Variants in FLRT1 observed in about 807,000 individuals in gnomAD.
FLRT1 encodes leucine-rich repeat transmembrane protein FLRT1.
Under a neutral mutation model 30.9 loss-of-function variants are expected in FLRT1, and 14 were observed. The observed-to-expected ratio is 0.45, with a 90% CI of 0.30 to 0.71. The LOEUF is 0.71. Among genes scored for constraint, FLRT1 ranks in the 30% least tolerant of loss-of-function variants. The pLI, the probability that FLRT1 is intolerant of heterozygous loss-of-function variation, is 0.08. For missense variants in FLRT1, 737 were observed against 949.2 expected (o/e 0.78, Z 2.94); for synonymous variants, 368 against 430.4 (o/e 0.85, Z 1.80).
intron 1 of FLRT1, among the ~76,000 whole-genome samples, chr11:64,037,571 G>C (rs1275985333): frequency 1.3e-5 from 2 of 152,176 alleles, no homozygotes; most frequent in Non-Finnish European, 2.9e-5. Context: ...CAGTGAGGGG[G>C]CCCTGGTAGG....
intron 1 of FLRT1, among the ~76,000 whole-genome samples, chr11:64,102,914 A>G (rs1460673923): frequency 6.6e-6 from 1 of 152,086 alleles, no homozygotes; most frequent in Non-Finnish European, 1.5e-5. Flanking sequence ...TAAAATTAAA[A>G]AAAAAAATTA....
In FLRT1 at chr11:64,082,405, G is replaced by C. The variant is rs886559039; in HGVS notation, c.-1037-20789G>C. 6.6e-6 allele frequency among the ~76,000 whole-genome samples: 1 copy of C among 151,992 alleles called. No individual in the cohort carries two copies. Among genetic ancestry groups the C allele is most frequent in the African/African-American group, 2.4e-5 (1 of 41,380 alleles). On this transcript the variant is annotated intron_variant, in intron 1 of 2. Transcript: ENST00000682287. This position sits in a 1 kb window ranked among gnomAD's most constrained non-coding sequence, Gnocchi z 4.5. The stretch of plus-strand genomic sequence containing the variant: ...ATTGATGGCTGGGAGGGAGCCTGAA[G>C]TGGGGGCGTCCTAAGGTGAGGGGCA...
intron 1 of FLRT1, among the ~76,000 whole-genome samples, chr11:64,045,519 C>A (rs992602638): frequency 6.6e-6 from 1 of 152,164 alleles, no homozygotes; most frequent in Non-Finnish European, 1.5e-5. Flanking sequence ...GCTCTACCAC[C>A]CCTATCCCAG....
intron 1 of FLRT1, among the ~76,000 whole-genome samples, chr11:64,078,637 G>A (rs1944247612): frequency 6.6e-6 from 1 of 152,178 alleles, no homozygotes; most frequent in Admixed American, 6.5e-5. Context: ...GGTGATCATG[G>A]CTCCTGCATC....
chr11:64,084,055 C>A (rs891233863), intron 1 of FLRT1, among the ~76,000 whole-genome samples: 1 of 152,276 alleles, frequency 6.6e-6, no homozygotes, highest in South Asian at 2.1e-4. Context: ...GAGGCAGAGA[C>A]TGAGGTTTCC....
At chr11:64,111,002 C>T (rs916711855) in intron 2 of FLRT1, among the ~76,000 whole-genome samples, 3 of 152,210 alleles carry the variant, frequency 2.0e-5, no homozygotes, top group African/African-American at 7.2e-5. Context: ...ATGAGGCCCA[C>T]AGACAGTGGA....
chr11:64,079,323 G>A (rs973556407), intron 1 of FLRT1, among the ~76,000 whole-genome samples: 2 of 151,986 alleles, frequency 1.3e-5, no homozygotes, highest in Admixed American at 1.3e-4. Context: ...AGACAGACAG[G>A]GGTCTGCCCT....
chr11:64,059,056 C>T (rs1210861305), intron 1 of FLRT1, among the ~76,000 whole-genome samples: 1 of 152,178 alleles, frequency 6.6e-6, no homozygotes, highest in Non-Finnish European at 1.5e-5. Context: ...TGAGGATGGG[C>T]ACCCAATTTG....
chr11:64,106,260 G>C (rs1944762046), intron 2 of FLRT1, among the ~76,000 whole-genome samples: 1 of 152,068 alleles, frequency 6.6e-6, no homozygotes, highest in Non-Finnish European at 1.5e-5. Flanking sequence ...TTGCCTCTTT[G>C]GGCTGCTGTG....
intron 1 of FLRT1, among the ~76,000 whole-genome samples, chr11:64,069,957 T>A (rs1944076695): frequency 6.6e-6 from 1 of 151,776 alleles, no homozygotes; most frequent in Non-Finnish European, 1.5e-5. Context: ...CCCAGTGGGA[T>A]CAATGTCCCT....
rs531655095 is a variant in FLRT1 at position 64,094,781 on chromosome 11, C to T, written c.-1037-8413C>T. ...ATTTAGAAAGTCACCCCTGACCCCA[C>T]GACCACGGCATCCTTGGCTGTGCCT... On this transcript the variant is annotated intron_variant, in intron 1 of 2. Coordinates refer to ENST00000682287, the MANE Select transcript of FLRT1 (RefSeq NM_013280.5). Among the ~76,000 whole-genome samples, 9 of 152,356 alleles carry T rather than the reference C, an allele frequency of 5.9e-5. No homozygotes were observed. In the South Asian group the frequency reaches 1.9e-3, roughly 32 times the overall value.
chr11:64,095,005 T>A (rs750626270), intron 1 of FLRT1, among the ~76,000 whole-genome samples: 1 of 152,192 alleles, frequency 6.6e-6, no homozygotes, highest in South Asian at 2.1e-4. Flanking sequence ...AGAGCCTCGT[T>A]ATTAACAAAA....
At chr11:64,093,724 G>A (rs920530710) in intron 1 of FLRT1, among the ~76,000 whole-genome samples, 4 of 152,186 alleles carry the variant, frequency 2.6e-5, no homozygotes, top group African/African-American at 9.7e-5. Flanking sequence ...CACCCACTGG[G>A]CCTCCCGCTC....
At chr11:64,081,521 G>C (rs1357780383) in intron 1 of FLRT1, among the ~76,000 whole-genome samples, 1 of 152,152 alleles carries the variant, frequency 6.6e-6, no homozygotes, top group Non-Finnish European at 1.5e-5. Context: ...GTGAACATCA[G>C]TGTAACACCC....
At chr11:64,048,270 G>A (rs1343550316) in intron 1 of FLRT1, among the ~76,000 whole-genome samples, 2 of 152,266 alleles carry the variant, frequency 1.3e-5, no homozygotes, top group South Asian at 2.1e-4. Flanking sequence ...TGGCAGGAGA[G>A]TCTGCCATGG....
chr11:64,116,878 G>A lies in FLRT1; in HGVS notation c.611G>A (p.Arg204Gln), dbSNP rs779350349. The part of the protein sequence containing the change: ...SGLPHTLEEL[R>Q]LDDNRISTIP... ...CTGCCGCACACGCTGGAGGAGCTGC[G>A]GCTGGATGACAACCGCATCTCCACC... The change falls in exon 3 of 3, where the codon CGG (arginine) becomes CAG (glutamine). Residue 204 changes from arginine to glutamine, a missense_variant. Physicochemically the swap from Arg to Gln is conservative, Grantham distance 43. Transcript: ENST00000682287. The A allele has an allele frequency of 3.2e-5, 51 of 1,611,640 alleles. No individual in the cohort carries two copies. Among genetic ancestry groups the A allele is most frequent in the Non-Finnish European group, 4.2e-5 (49 of 1,179,966 alleles).
chr11:64,063,563 T>A (rs540235250), intron 1 of FLRT1, among the ~76,000 whole-genome samples: 49 of 152,124 alleles, frequency 3.2e-4, no homozygotes, highest in Non-Finnish European at 6.3e-4. Flanking sequence ...GCCAGCAACC[T>A]TCAATGCGGC....
chr11:64,107,299 C>T (rs1274066489), intron 2 of FLRT1, among the ~76,000 whole-genome samples: 2 of 152,120 alleles, frequency 1.3e-5, no homozygotes, highest in South Asian at 2.1e-4. Flanking sequence ...TAAATAATGC[C>T]GAGAGAGAAA....
At chr11:64,085,482 C>T (rs552780667) in intron 1 of FLRT1, among the ~76,000 whole-genome samples, 24 of 152,324 alleles carry the variant, frequency 1.6e-4, no homozygotes, top group East Asian at 1.5e-3. Context: ...GTGTCTGGGG[C>T]GGCCGGCTTA....
Sources: allele counts gnomAD v4.1 joint callset (sites outside exome capture counted in the v4.1 genomes callset), GRCh38; gene constraint gnomAD v4.1.1; non-coding constraint Gnocchi (gnomAD v3.1); transcripts MANE v1.5; gene names NCBI Gene and HGNC (gene_info 2026-07-23, HGNC 2026-07-21).